Variants in THADA observed in about 807,000 individuals in gnomAD.
The protein encoded by THADA is tRNA (32-2'-O)-methyltransferase regulator THADA.
In THADA, 213 loss-of-function variants were observed where a neutral mutation model predicts 219.8. The ratio of observed to expected loss-of-function variants is 0.97; its 90% CI spans 0.87 to 1.09. THADA has a LOEUF of 1.09. Ranked by LOEUF, THADA falls within the 50% of genes least tolerant of loss-of-function variation. The pLI, the probability that THADA is intolerant of heterozygous loss-of-function variation, is 0.00. For missense variants in THADA, 2,956 were observed against 2,311.3 expected (o/e 1.28, Z -5.72); for synonymous variants, 1,018 against 828.9 (o/e 1.23, Z -3.92).
intron 25 of THADA, among the ~76,000 whole-genome samples, chr2:43,488,366 C>G (rs1687168054): frequency 6.6e-6 from 1 of 152,140 alleles, no homozygotes; most frequent in Non-Finnish European, 1.5e-5. Context: ...TAGGAAAGCA[C>G]AATCTACTTT....
At chr2:43,509,525 A>G (rs908479565) in intron 22 of THADA, among the ~76,000 whole-genome samples, 12 of 152,218 alleles carry the variant, frequency 7.9e-5, no homozygotes, top group African/African-American at 2.9e-4. Context: ...TAATATATGA[A>G]AATTTACAGA....
chr2:43,340,998 G>A (rs775738327), intron 30 of THADA, among the ~76,000 whole-genome samples: 30 of 152,182 alleles, frequency 2.0e-4, no homozygotes, highest in Non-Finnish European at 3.7e-4. Context: ...GAACCTCAAA[G>A]TTATCCTGTC....
intron 36 of THADA, among the ~76,000 whole-genome samples, chr2:43,263,124 C>T (rs546511681): frequency 5.3e-5 from 8 of 152,160 alleles, no homozygotes; most frequent in African/African-American, 1.4e-4. Context: ...AAATGTGTCA[C>T]GTAGTTCCCT....
intron 36 of THADA, among the ~76,000 whole-genome samples, chr2:43,278,554 G>A (rs1280661599): frequency 6.6e-6 from 1 of 152,230 alleles, no homozygotes; most frequent in Non-Finnish European, 1.5e-5. Context: ...GTTGGGGGCT[G>A]AGGGGAGCCT....
intron 36 of THADA, among the ~76,000 whole-genome samples, chr2:43,250,976 G>C (rs906633116): frequency 2.6e-5 from 4 of 152,182 alleles, no homozygotes; most frequent in African/African-American, 9.7e-5. Flanking sequence ...GGTGAACAGA[G>C]GGGTTAAAAC....
intron 28 of THADA, among the ~76,000 whole-genome samples, chr2:43,425,370 A>C (rs1412825425): frequency 6.6e-6 from 1 of 151,944 alleles, no homozygotes; most frequent in Non-Finnish European, 1.5e-5. Flanking sequence ...CTGGGTCAAA[A>C]TCTACTTCTT....
chr2:43,378,472 T>A (rs1311300688), intron 29 of THADA, among the ~76,000 whole-genome samples: 1 of 152,190 alleles, frequency 6.6e-6, no homozygotes, highest in Non-Finnish European at 1.5e-5. Context: ...AGGAACATCA[T>A]AATAAAACTG....
chr2:43,397,701 G>C (rs1674249638), intron 29 of THADA, among the ~76,000 whole-genome samples: 1 of 151,938 alleles, frequency 6.6e-6, no homozygotes, highest in South Asian at 2.1e-4. Flanking sequence ...GTTCAGAGAG[G>C]TGAGGCCAAG....
rs1409445275 is a variant in THADA, at chr2:43,566,092, TA to T, written c.2311+605del. The T allele has an allele frequency of 4.3e-4, 66 of 155,146 alleles. No homozygotes were observed. The Middle Eastern group carries it at 7.2e-3, about 17-fold the overall frequency. The allele number at this position is 155,146 out of a possible 1,614,324, so 9.6% of individuals were successfully genotyped here. ...AACAGAGCTAGACTCTGTCTCAAAA[TA>T]AAAAAAAAGGAATCATTTCTTGTCA... On this transcript the variant is annotated intron_variant, in intron 15 of 37. Transcript: ENST00000405975.
intron 21 of THADA, among the ~76,000 whole-genome samples, chr2:43,534,583 T>C (rs1694313013): frequency 6.6e-6 from 1 of 152,210 alleles, no homozygotes; most frequent in Non-Finnish European, 1.5e-5. Context: ...TTTCTGTTCC[T>C]GGCTTATTTC....
At chr2:43,281,033 G>T (rs1258487708) in intron 35 of THADA, among the ~76,000 whole-genome samples, 1 of 152,162 alleles carries the variant, frequency 6.6e-6, no homozygotes, top group African/African-American at 2.4e-5. Flanking sequence ...GCTTGTGGAG[G>T]GTTATCACTG....
chr2:43,585,111 T>C (rs1401341938), intron 7 of THADA, among the ~76,000 whole-genome samples: 1 of 152,080 alleles, frequency 6.6e-6, no homozygotes, highest in East Asian at 1.9e-4. Context: ...AAGGAAGAGT[T>C]ACCCCAAGAA....
intron 36 of THADA, among the ~76,000 whole-genome samples, chr2:43,256,860 C>A (rs900100675): frequency 6.6e-6 from 1 of 151,960 alleles, no homozygotes; most frequent in Non-Finnish European, 1.5e-5. Flanking sequence ...ATTATAGGTG[C>A]GAGCCACTAC....
At position 43,574,576 on chromosome 2, in the gene THADA, G is replaced by A. The variant is rs768767513; in HGVS notation, c.1489C>T (p.Leu497Phe). The A allele has an allele frequency of 1.2e-6, 2 of 1,613,930 alleles. No individual in the cohort carries two copies. Among genetic ancestry groups the A allele is most frequent in the African/African-American group, 1.3e-5 (1 of 75,038 alleles). Residue 497 changes from leucine (L) to phenylalanine (F), a missense_variant, in exon 11 of 38, where the codon CTC becomes TTC. Physicochemically the swap from Leu to Phe is conservative, Grantham distance 22. Coordinates refer to ENST00000405975, the MANE Select transcript of THADA (RefSeq NM_022065.5). The stretch of plus-strand genomic sequence containing the variant: ...TGATTTCTAAACATGGTTTCCAAGA[G>A]GTCACTTGCATAAGGTACCAATGAC... Reference protein sequence around the residue: ...DQSLVPYASDLLETMFRNHKS... With the variant: ...DQSLVPYASDFLETMFRNHKS...
intron 22 of THADA, among the ~76,000 whole-genome samples, chr2:43,518,053 T>A (rs1691952178): frequency 6.6e-6 from 1 of 152,162 alleles, no homozygotes; most frequent in Admixed American, 6.5e-5. Flanking sequence ...CCACCAAACT[T>A]TATCACATAA....
chr2:43,549,437 C>G (rs1476065592), intron 19 of THADA, 69 bp from the exon 20 acceptor site: 1 of 1,460,652 alleles, frequency 6.8e-7, no homozygotes, highest in African/African-American at 1.4e-5. Flanking sequence ...CTTGGGGATG[C>G]TTACTCAAAA....
At chr2:43,315,595 T>C (rs1677988616) in intron 31 of THADA, among the ~76,000 whole-genome samples, 1 of 152,128 alleles carries the variant, frequency 6.6e-6, no homozygotes, top group Non-Finnish European at 1.5e-5. Context: ...CCTGAGTATC[T>C]GGGACTCTAC....
chr2:43,571,481 A>G (rs1699292118), intron 13 of THADA, among the ~76,000 whole-genome samples: 1 of 149,098 alleles, frequency 6.7e-6, no homozygotes, highest in Non-Finnish European at 1.5e-5. Flanking sequence ...TGAACTCCTG[A>G]AAAAAAATGG....
chr2:43,284,816 C>A (rs1261772673), intron 35 of THADA, among the ~76,000 whole-genome samples: 1 of 152,220 alleles, frequency 6.6e-6, no homozygotes, highest in African/African-American at 2.4e-5. Context: ...CCTGTAAAGC[C>A]ACAGGGGCAG....
Sources: gnomAD v4.1 joint callset for allele counts (sites outside exome capture counted in the v4.1 genomes callset) on GRCh38, gnomAD v4.1.1 for gene constraint, MANE v1.5 for transcripts, NCBI Gene and HGNC (gene_info 2026-07-23, HGNC 2026-07-21) for gene names.